The following CAMK1D variants were observed in gnomAD, a reference collection of about 807,000 sequenced individuals.
CAMK1D encodes the protein calcium/calmodulin dependent protein kinase ID, also known as calcium/calmodulin-dependent protein kinase type 1D.
CAMK1D carries 9 observed loss-of-function variants against 47.7 expected under a neutral mutation model. The observed-to-expected ratio is 0.19, with a 90% confidence interval of 0.11 to 0.33. CAMK1D has a LOEUF of 0.33. Ranked by LOEUF, CAMK1D falls within the 10% of genes least tolerant of loss-of-function variation. CAMK1D has a pLI of 1.00. For missense variants in CAMK1D, 291 were observed against 488.7 expected (o/e 0.60, Z 3.81); for synonymous variants, 184 against 184.9 (o/e 0.99, Z 0.04).
chr10:12,734,699 T>C (rs541335629), intron 3 of CAMK1D, among the ~76,000 whole-genome samples: 1 of 151,992 alleles, frequency 6.6e-6, no homozygotes, highest in Non-Finnish European at 1.5e-5. Context: ...TGGCCTGGCC[T>C]TGGGCACCAA....
At chr10:12,685,488 A>G (rs540387446) in intron 3 of CAMK1D, among the ~76,000 whole-genome samples, 1 of 152,332 alleles carries the variant, frequency 6.6e-6, no homozygotes, top group South Asian at 2.1e-4. Flanking sequence ...CCAGGACTCA[A>G]TAATAGCTAC....
At chr10:12,458,530 C>A (rs1055700731) in intron 1 of CAMK1D, among the ~76,000 whole-genome samples, 1 of 152,172 alleles carries the variant, frequency 6.6e-6, no homozygotes, top group Non-Finnish European at 1.5e-5. Context: ...GATCCTCCCA[C>A]CTCAGCCTTC....
rs574623301 is a variant in CAMK1D, at chr10:12,817,035, A to G, written c.833+707A>G. ...ATCTTACATGGATGGGAGCAGGCAA[A>G]AAGAGAGAGCTTGTGCAGGGGAACA... On this transcript the variant is annotated intron_variant, in intron 8 of 10. Coordinates refer to ENST00000619168, the MANE Select transcript of CAMK1D (RefSeq NM_153498.4). 5.9e-5 allele frequency among the ~76,000 whole-genome samples: 9 copies of G among 152,288 alleles called. No homozygotes were observed. In the East Asian group the frequency reaches 1.5e-3, roughly 26 times the overall value.
chr10:12,361,454 C>T (rs577698909), intron 1 of CAMK1D, among the ~76,000 whole-genome samples: 68 of 151,304 alleles, frequency 4.5e-4, no homozygotes, highest in Non-Finnish European at 9.0e-4. Flanking sequence ...ACCATGTTGG[C>T]CAGGATGGTC....
intron 3 of CAMK1D, among the ~76,000 whole-genome samples, chr10:12,679,915 C>T (rs1588777202): frequency 6.6e-6 from 1 of 152,328 alleles, no homozygotes; most frequent in East Asian, 1.9e-4. Flanking sequence ...AAGCATGCTG[C>T]ATAATCCCCA....
chr10:12,771,441 G>A (rs1175048885), intron 5 of CAMK1D, among the ~76,000 whole-genome samples: 1 of 152,224 alleles, frequency 6.6e-6, no homozygotes, highest in Non-Finnish European at 1.5e-5. Context: ...ATGACCTTGG[G>A]GCCACTTTGT....
At chr10:12,568,804 A>T (rs915033997) in intron 2 of CAMK1D, among the ~76,000 whole-genome samples, 1 of 152,150 alleles carries the variant, frequency 6.6e-6, no homozygotes, top group Non-Finnish European at 1.5e-5. Flanking sequence ...CAACTAAGTA[A>T]GTGATACAGT....
chr10:12,464,265 C>G (rs1833524881), intron 1 of CAMK1D, among the ~76,000 whole-genome samples: 1 of 152,162 alleles, frequency 6.6e-6, no homozygotes, highest in African/African-American at 2.4e-5. Flanking sequence ...GAGGCCTCGG[C>G]AGGTGGGTCT....
intron 4 of CAMK1D, among the ~76,000 whole-genome samples, chr10:12,763,231 T>A: frequency 6.6e-6 from 1 of 152,074 alleles, no homozygotes; most frequent in East Asian, 1.9e-4. Context: ...GAGGAGGAAG[T>A]TGAAATTGGA....
intron 1 of CAMK1D, among the ~76,000 whole-genome samples, chr10:12,524,244 C>G (rs531826115): frequency 2.0e-5 from 3 of 151,802 alleles, no homozygotes. Flanking sequence ...GAATTACAGG[C>G]GTGAGCCACT....
At chr10:12,552,031 C>T (rs1836600268) in intron 1 of CAMK1D, among the ~76,000 whole-genome samples, 1 of 152,166 alleles carries the variant, frequency 6.6e-6, no homozygotes, top group Non-Finnish European at 1.5e-5. Flanking sequence ...TGCACAGAGC[C>T]CAAGTTGCTG....
chr10:12,429,641 C>T (rs1404240916), intron 1 of CAMK1D, among the ~76,000 whole-genome samples: 1 of 152,112 alleles, frequency 6.6e-6, no homozygotes, highest in Non-Finnish European at 1.5e-5. Flanking sequence ...TGCCTGGCCC[C>T]CATTCTCTCT....
chr10:12,672,679 T>TGA (rs1214748471), intron 3 of CAMK1D, among the ~76,000 whole-genome samples: 1 of 152,140 alleles, frequency 6.6e-6, no homozygotes, highest in Admixed American at 6.5e-5. Context: ...TCAGCTTTTC[T>TGA]ACCTAGGTAT....
chr10:12,585,866 G>A (rs1837801903), intron 2 of CAMK1D, among the ~76,000 whole-genome samples: 1 of 152,212 alleles, frequency 6.6e-6, no homozygotes. Flanking sequence ...ACACTCCATG[G>A]AGGCTTCTGG....
chr10:12,734,443 CATATGTGTATATATACACATACACAT>C (rs1221828431), intron 3 of CAMK1D, among the ~76,000 whole-genome samples: 1 of 5,270 alleles, frequency 1.9e-4, no homozygotes. Context: ...TACACACACA[CATATGTGTATATATACACATACACAT>C]ATGTGTATAT....
At chr10:12,547,953 G>A (rs185750732) in intron 1 of CAMK1D, among the ~76,000 whole-genome samples, 15 of 152,266 alleles carry the variant, frequency 9.9e-5, no homozygotes, top group Admixed American at 2.6e-4. Context: ...GTGCGGGCTC[G>A]GAGCGATGGC....
chr10:12,418,423 A>AT (rs1196561413), intron 1 of CAMK1D, among the ~76,000 whole-genome samples: 1 of 152,130 alleles, frequency 6.6e-6, no homozygotes, highest in African/African-American at 2.4e-5. Context: ...TGGGCAACAT[A>AT]GCCACATCCT....
rs567671723 is a variant in CAMK1D at position 12,734,599 on chromosome 10, T to C, written c.300-26349T>C. On this transcript the variant is annotated intron_variant, in intron 3 of 10. Transcript: ENST00000619168. ...ATATATATATAGACACAAACCTCTT[T>C]GACTTGGCTGTATCCCTCTTTGACT... 8.0e-5 allele frequency among the ~76,000 whole-genome samples: 12 copies of C among 150,826 alleles called. No individual in the cohort carries two copies. In the South Asian group the frequency reaches 2.3e-3, roughly 29 times the overall value.
intron 2 of CAMK1D, among the ~76,000 whole-genome samples, chr10:12,633,500 C>T (rs1839434979): frequency 6.6e-6 from 1 of 152,188 alleles, no homozygotes; most frequent in Non-Finnish European, 1.5e-5. Context: ...CCTGAGCAGA[C>T]ACTCAGGGTG....
Sources: allele counts gnomAD v4.1 joint callset (sites outside exome capture counted in the v4.1 genomes callset), GRCh38; gene constraint gnomAD v4.1.1; transcripts MANE v1.5; gene names NCBI Gene and HGNC (gene_info 2026-07-23, HGNC 2026-07-21).